KLF12: variants seen among roughly 807,000 people sequenced by gnomAD.
KLF12 encodes the protein Krueppel-like factor 12.
In KLF12, 9 loss-of-function variants were observed where a neutral mutation model predicts 37.8. The ratio of observed to expected loss-of-function variants is 0.24; its 90% confidence interval spans 0.14 to 0.42. KLF12 has a LOEUF of 0.42. KLF12 is among the 10% of genes least tolerant of loss of function. KLF12 has a pLI of 1.00. For synonymous variants in KLF12, 208 were observed against 202.1 expected (o/e 1.03, Z -0.25); for missense variants, 411 against 516.0 (o/e 0.80, Z 1.97).
chr13:73,819,167 T>G (rs1883394680), intron 4 of KLF12, among the ~76,000 whole-genome samples: 1 of 152,184 alleles, frequency 6.6e-6, no homozygotes, highest in Admixed American at 6.5e-5. Context: ...GGATGACTTC[T>G]GGCCCTGTCA....
the KLF12 span, among the ~76,000 whole-genome samples, chr13:74,266,987 C>G: frequency 1.3e-5 from 2 of 152,174 alleles, no homozygotes; most frequent in South Asian, 4.2e-4. Flanking sequence ...TATTAGTGTA[C>G]CATTTGAATG....
intron 7 of KLF12, among the ~76,000 whole-genome samples, chr13:73,698,544 G>C (rs1874311481): frequency 6.6e-6 from 1 of 152,044 alleles, no homozygotes; most frequent in South Asian, 2.1e-4. Flanking sequence ...TGGAGCAGGG[G>C]GTAGTAAACT....
intron 6 of KLF12, among the ~76,000 whole-genome samples, chr13:73,728,680 C>T (rs568108807): frequency 6.6e-5 from 10 of 152,262 alleles, no homozygotes; most frequent in South Asian, 2.1e-4. Context: ...TCAAGATAAA[C>T]GTGGTTTTCT....
rs149986602 is a variant in KLF12, at chr13:73,760,474, G to A, written c.869+4464C>T. Among the ~76,000 whole-genome samples, 423 of 151,980 alleles carry A rather than the reference G, an allele frequency of 2.8e-3. 5 individuals are homozygous for A. The highest frequency in any genetic ancestry group is 0.023 in the East Asian group (116 of 5,140). ...TAGGACTACAGGTGCATACCATCAC[G>A]CCTGGCTAATTTTAAAAGGAAATAA... On this transcript the variant is annotated intron_variant, in intron 6 of 7. Coordinates refer to ENST00000377669, the MANE Select transcript of KLF12 (RefSeq NM_007249.5).
chr13:74,111,510 T>C (rs1048252873), intron 1 of KLF12, among the ~76,000 whole-genome samples: 1 of 152,194 alleles, frequency 6.6e-6, no homozygotes, highest in Non-Finnish European at 1.5e-5. Flanking sequence ...AATTCTAATG[T>C]AACCTGCTGA....
chr13:73,940,337 C>T (rs146031488), intron 3 of KLF12, among the ~76,000 whole-genome samples: 54 of 152,192 alleles, frequency 3.5e-4, no homozygotes, highest in African/African-American at 1.3e-3. Flanking sequence ...GCTGTGTTAC[C>T]GACAAGCAAG....
intron 1 of KLF12, among the ~76,000 whole-genome samples, chr13:74,131,660 A>G (rs79960723): frequency 0.03 from 4,521 of 150,708 alleles, 217 homozygotes; most frequent in African/African-American, 0.1. Context: ...GCTAAGTAGT[A>G]GATAAATAAC....
chr13:73,870,430 G>A (rs924763723), intron 3 of KLF12, among the ~76,000 whole-genome samples: 1 of 152,128 alleles, frequency 6.6e-6, no homozygotes, highest in Non-Finnish European at 1.5e-5. Context: ...TGGTTTCTAT[G>A]GTTAGCACTT....
At position 74,109,608 on chromosome 13, in the gene KLF12, G is replaced by T. The variant is rs1326140181; in HGVS notation, c.-32+24131C>A. ...CATCAATATTTCAAAGAAGAAAATT[G>T]TAAGATGTCCAAAAGCATTTGATAA... is the stretch of plus-strand genomic sequence containing the variant. On this transcript the variant is annotated intron_variant, in intron 1 of 7. Transcript: ENST00000377669. Among the ~76,000 whole-genome samples, 3 of 152,142 alleles carry T rather than the reference G, an allele frequency of 2.0e-5. No homozygotes were observed. In the South Asian group the frequency reaches 6.2e-4, roughly 32 times the overall value.
the KLF12 span, among the ~76,000 whole-genome samples, chr13:74,222,024 C>T: frequency 6.6e-6 from 1 of 152,158 alleles, no homozygotes; most frequent in Admixed American, 6.5e-5. Context: ...GCCATTTCTC[C>T]AGTACTGAAT....
At chr13:73,784,734 C>T (rs1302900474) in intron 5 of KLF12, among the ~76,000 whole-genome samples, 1 of 151,528 alleles carries the variant, frequency 6.6e-6, no homozygotes, top group African/African-American at 2.4e-5. Flanking sequence ...GAGTTCAAGC[C>T]ATTCTCCTGC....
At chr13:74,144,470 A>C in the KLF12 span, among the ~76,000 whole-genome samples, 1 of 152,200 alleles carries the variant, frequency 6.6e-6, no homozygotes, top group Non-Finnish European at 1.5e-5. Flanking sequence ...CTGCTGAGTC[A>C]TTTTAAAATT....
At chr13:73,710,544 T>G (rs1289498195) in intron 7 of KLF12, among the ~76,000 whole-genome samples, 1 of 152,194 alleles carries the variant, frequency 6.6e-6, no homozygotes, top group Non-Finnish European at 1.5e-5. Flanking sequence ...ATTTCAAACT[T>G]TTAAATTATT....
At chr13:74,219,023 G>A in the KLF12 span, among the ~76,000 whole-genome samples, 1 of 151,548 alleles carries the variant, frequency 6.6e-6, no homozygotes, top group African/African-American at 2.4e-5. Flanking sequence ...GGGCAGTGGG[G>A]TGACCTCAGC....
chr13:73,972,111 A>G (rs2138111486), intron 2 of KLF12, among the ~76,000 whole-genome samples: 1 of 152,310 alleles, frequency 6.6e-6, no homozygotes, highest in East Asian at 1.9e-4. Flanking sequence ...AAATTCTGAA[A>G]TGCTTTGAGT....
At chr13:74,154,391 A>C in the KLF12 span, among the ~76,000 whole-genome samples, 1 of 152,254 alleles carries the variant, frequency 6.6e-6, no homozygotes, top group African/African-American at 2.4e-5. Flanking sequence ...TTACAAAATT[A>C]TAGTAGCTAC....
intron 1 of KLF12, among the ~76,000 whole-genome samples, chr13:74,104,928 T>A (rs1203544357): frequency 6.6e-6 from 1 of 152,176 alleles, no homozygotes; most frequent in Non-Finnish European, 1.5e-5. Flanking sequence ...GCCTGTACAC[T>A]TCTCCTCTAC....
At chr13:74,293,048 AG>A in the KLF12 span, among the ~76,000 whole-genome samples, 39 of 152,300 alleles carry the variant, frequency 2.6e-4, no homozygotes, top group African/African-American at 8.9e-4. Flanking sequence ...ATGGCCAGAA[AG>A]GGGCTCTGAA....
the KLF12 span, among the ~76,000 whole-genome samples, chr13:74,190,572 T>C: frequency 6.6e-6 from 1 of 152,232 alleles, no homozygotes; most frequent in Admixed American, 6.5e-5. Context: ...TTTTATGTAG[T>C]GAATATCCTC....
Sources: gnomAD v4.1 joint callset for allele counts (sites outside exome capture counted in the v4.1 genomes callset) on GRCh38, gnomAD v4.1.1 for gene constraint, MANE v1.5 for transcripts, NCBI Gene and HGNC (gene_info 2026-07-23, HGNC 2026-07-21) for gene names.